SP140L: variants seen among roughly 807,000 people sequenced by gnomAD.
SP140L encodes SP140 like nuclear body protein, also known as nuclear body protein SP140-like protein.
SP140L carries 64 observed loss-of-function variants against 84.3 expected under a neutral mutation model. The ratio of observed to expected loss-of-function variants is 0.76; its 90% CI spans 0.62 to 0.94. The LOEUF (loss-of-function observed/expected upper bound fraction) is 0.94, where lower values mean the gene tolerates loss of function less well. Ranked by LOEUF, SP140L falls within the 40% of genes least tolerant of loss-of-function variation. The pLI is 0.00. For missense variants in SP140L, 628 were observed against 692.5 expected, an observed-to-expected ratio of 0.91 and a Z score of 1.05; for synonymous variants, 242 against 236.9, an observed-to-expected ratio of 1.02 and a Z score of -0.20.
At chr2:230,361,528 C>A in intron 4 of SP140L, 86 bp from the exon 5 acceptor site, 2 of 964,068 alleles carry the variant, frequency 2.1e-6, no homozygotes, top group Non-Finnish European at 3.2e-6. Context: ...CAGCCTAATG[C>A]TGGAAATTCC....
At chr2:230,379,301 C>T (rs2061336751) in intron 7 of SP140L, among the ~76,000 whole-genome samples, 3 of 151,838 alleles carry the variant, frequency 2.0e-5, no homozygotes, top group African/African-American at 7.3e-5. Flanking sequence ...GTGTCTCTTT[C>T]CTGATTTCTG....
At chr2:230,378,566 T>C (rs887280386) in intron 7 of SP140L, among the ~76,000 whole-genome samples, 16 of 152,210 alleles carry the variant, frequency 1.1e-4, no homozygotes, top group Admixed American at 6.5e-4. Context: ...TGAACTGTGG[T>C]TTTTCTCTGG....
chr2:230,402,661 A>AT lies in SP140L; in HGVS notation c.1645-137_1645-136insT, dbSNP rs2062405584. The AT allele has an allele frequency of 5.9e-6, 4 of 674,160 alleles. No individual in the cohort carries two copies. In the East Asian group the frequency reaches 1.2e-4, roughly 20 times the overall value. The allele number at this position is 674,160 out of a possible 1,614,324, so 41.8% of individuals were successfully genotyped here. Reference sequence around the variant, plus strand: ...AATCACAACACTGCTTTGTACTCCAAAATACATACCATTATAAATTGTCAA... The same window carrying AT: ...AATCACAACACTGCTTTGTACTCCAATAATACATACCATTATAAATTGTCAA... On this transcript the variant is annotated intron_variant, in intron 18 of 18. Transcript: ENST00000415673.
In SP140L at chr2:230,400,952, C is replaced by T; in HGVS notation, c.1314-3C>T. On this transcript the variant is annotated splice_region_variant and splice_polypyrimidine_tract_variant and intron_variant, in intron 15 of 18. Coordinates refer to ENST00000415673, the MANE Select transcript of SP140L (RefSeq NM_138402.6). ...CTCTGCTCACCCATGTCCAATCTCT[C>T]AGGACCCCGTGGAATTGCATCTTCT... is the stretch of plus-strand genomic sequence containing the variant. 6.6e-7 allele frequency: 1 copy of T among 1,513,658 alleles called. No homozygotes were observed. The highest frequency in any genetic ancestry group is 9.0e-7 in the Non-Finnish European group (1 of 1,114,254). The allele number at this position is 1,513,658 out of a possible 1,614,324, so 93.8% of individuals were successfully genotyped here.
At chr2:230,336,043 G>A (rs1158289334) in intron 2 of SP140L, among the ~76,000 whole-genome samples, 1 of 152,142 alleles carries the variant, frequency 6.6e-6, no homozygotes. Flanking sequence ...ATGAAGGTGT[G>A]GAATATTCCA....
chr2:230,394,890 A>T (rs940101089), intron 13 of SP140L, among the ~76,000 whole-genome samples: 7 of 152,246 alleles, frequency 4.6e-5, no homozygotes, highest in African/African-American at 7.2e-5. Flanking sequence ...GACAAGGGCC[A>T]CATAAACCTT....
Position 230,385,258 on chromosome 2 carries a change from T to A in SP140L, c.738T>A (p.Ser246Arg). The A allele has an allele frequency of 6.2e-7, 1 of 1,613,748 alleles. No homozygotes were observed. The highest frequency in any genetic ancestry group is 8.5e-7 in the Non-Finnish European group (1 of 1,179,760). ...NSKADGQLVS[S>R]EKKANMNLKD... ...AAGCCGATGGCCAGCTGGTCTCGAG[T>A]GAAAAGAAGGCGAACATGAATCTGA... Residue 246 changes from serine (S) to arginine (R), a missense_variant, in exon 9 of 19, where the codon AGT becomes AGA. This residue lies in a region of SP140L where 525 missense variants were observed against 518.4 expected (regional missense o/e 1.01). Coordinates refer to ENST00000415673, the MANE Select transcript of SP140L (RefSeq NM_138402.6).
intron 2 of SP140L, among the ~76,000 whole-genome samples, chr2:230,340,190 A>G (rs2059999111): frequency 6.6e-6 from 1 of 151,742 alleles, no homozygotes; most frequent in African/African-American, 2.4e-5. Context: ...TTGAGTGCAT[A>G]TATATTTAGG....
At chr2:230,390,572 C>T (rs2061759089) in intron 11 of SP140L, among the ~76,000 whole-genome samples, 3 of 152,200 alleles carry the variant, frequency 2.0e-5, no homozygotes, top group Non-Finnish European at 1.5e-5. Flanking sequence ...AATTAATTTA[C>T]ATATTAATGT....
rs145646260 is a variant in SP140L at position 230,362,772 on chromosome 2, C to G, written c.523+1075C>G. Among the ~76,000 whole-genome samples the G allele has an allele frequency of 6.6e-4, 101 of 152,224 alleles. 2 individuals carry two copies. The highest frequency in any genetic ancestry group is 2.0e-3 in the African/African-American group (84 of 41,522). On this transcript the variant is annotated intron_variant, in intron 5 of 18. Coordinates refer to ENST00000415673, the MANE Select transcript of SP140L (RefSeq NM_138402.6). ...GGTCAGATGAGCAAGGAAGAACCCCCCTAGGCATTCTAAGCCAGAGCCTTG... is the reference window on the plus strand; with the variant it reads ...GGTCAGATGAGCAAGGAAGAACCCCGCTAGGCATTCTAAGCCAGAGCCTTG...
intron 7 of SP140L, among the ~76,000 whole-genome samples, chr2:230,376,166 C>T (rs149419167): frequency 4.2e-4 from 64 of 152,210 alleles, no homozygotes; most frequent in African/African-American, 1.4e-3. Context: ...AGAGGCTATC[C>T]TTTCTCCATT....
chr2:230,363,548 G>T (rs2060785469), intron 5 of SP140L, among the ~76,000 whole-genome samples: 1 of 149,162 alleles, frequency 6.7e-6, no homozygotes. Context: ...GGAGTTGGTT[G>T]AGTTCCTTAC....
At chr2:230,367,912 C>CAG (rs1242935865) in intron 5 of SP140L, among the ~76,000 whole-genome samples, 10 of 152,168 alleles carry the variant, frequency 6.6e-5, no homozygotes, top group Non-Finnish European at 1.0e-4. Context: ...AGCCTGGCAA[C>CAG]AGAGAGAGAG....
At chr2:230,379,025 G>A (rs1238355062) in intron 7 of SP140L, among the ~76,000 whole-genome samples, 1 of 151,882 alleles carries the variant, frequency 6.6e-6, no homozygotes, top group Non-Finnish European at 1.5e-5. Context: ...TATCCATATT[G>A]GTGCTTTTGC....
intron 2 of SP140L, among the ~76,000 whole-genome samples, chr2:230,330,382 A>G (rs984895601): frequency 6.6e-6 from 1 of 152,186 alleles, no homozygotes; most frequent in African/African-American, 2.4e-5. Context: ...TTCTTATGCC[A>G]GTACCACACT....
chr2:230,347,687 C>T (rs866740873), intron 2 of SP140L, among the ~76,000 whole-genome samples: 10 of 152,264 alleles, frequency 6.6e-5, no homozygotes, highest in South Asian at 2.1e-4. Context: ...TGGTCAAGGA[C>T]GTATGTTAGG....
intron 14 of SP140L, among the ~76,000 whole-genome samples, chr2:230,399,026 T>C (rs749293398): frequency 2.4e-4 from 37 of 152,192 alleles, no homozygotes; most frequent in Middle Eastern, 3.2e-3. Flanking sequence ...ATTCTAGGCC[T>C]TCCCAGTGTT....
chr2:230,401,307 A>C, intron 16 of SP140L, 59 bp from the exon 17 acceptor site: 3 of 1,610,894 alleles, frequency 1.9e-6, no homozygotes, highest in Non-Finnish European at 2.5e-6. Context: ...GCTGTGTCTC[A>C]TGCATGTGGG....
chr2:230,392,106 A>G lies in SP140L; in HGVS notation c.984A>G (p.Ile328Met). ...TTACAGGAACCTTGGCAAAGTGTAT[A>G]CAGACTGAGGATGGAAAATGGTTCA... is the stretch of plus-strand genomic sequence containing the variant. Reference protein sequence around the residue: ...KLEQGTLAKCIQTEDGKWFTP... With the variant: ...KLEQGTLAKCMQTEDGKWFTP... The change falls in exon 12 of 19, where the codon ATA becomes ATG. Residue 328 changes from isoleucine to methionine, a missense_variant. Ile to Met is a conservative substitution (Grantham distance 10, BLOSUM62 1). Transcript: ENST00000415673. 1 of 1,614,016 alleles carries G rather than the reference A, an allele frequency of 6.2e-7. No homozygotes were observed. The highest frequency in any genetic ancestry group is 8.5e-7 in the Non-Finnish European group (1 of 1,179,896).
Sources: allele counts gnomAD v4.1 joint callset (sites outside exome capture counted in the v4.1 genomes callset), GRCh38; gene constraint gnomAD v4.1.1; regional missense constraint gnomAD v4.1.1; transcripts MANE v1.5; gene names NCBI Gene and HGNC (gene_info 2026-07-23, HGNC 2026-07-21).